STARD13: variants seen among roughly 807,000 people sequenced by gnomAD.
STARD13 encodes the protein stAR-related lipid transfer protein 13.
In STARD13, 62 loss-of-function variants were observed where a neutral mutation model predicts 106.4. That is an observed-to-expected ratio of 0.58 (90% CI 0.48 to 0.72). The LOEUF (loss-of-function observed/expected upper bound fraction) is 0.72, where lower values mean the gene tolerates loss of function less well. STARD13 is among the 30% of genes least tolerant of loss of function. The probability of loss-of-function intolerance (pLI) is 0.00; values close to 1 mark genes in which losing one functional copy is unlikely to be tolerated. For missense variants in STARD13, 1,387 were observed against 1,424.0 expected, an observed-to-expected ratio of 0.97 and a Z score of 0.42; for synonymous variants, 565 against 553.0, an observed-to-expected ratio of 1.02 and a Z score of -0.31.
At chr13:33,294,068 T>C (rs1403933468) in intron 1 of STARD13, among the ~76,000 whole-genome samples, 1 of 152,204 alleles carries the variant, frequency 6.6e-6, no homozygotes, top group Non-Finnish European at 1.5e-5. Flanking sequence ...TAAGGTCCCT[T>C]GTGAAAATTA....
chr13:33,586,984 C>T, the STARD13 span, among the ~76,000 whole-genome samples: 4 of 152,076 alleles, frequency 2.6e-5, no homozygotes, highest in South Asian at 2.1e-4. Flanking sequence ...GAGGCCTAGG[C>T]GGCTGGATCA....
the STARD13 span, among the ~76,000 whole-genome samples, chr13:33,427,208 A>G: frequency 2.0e-5 from 3 of 152,196 alleles, no homozygotes; most frequent in African/African-American, 7.2e-5. Flanking sequence ...ACGTACACAG[A>G]TGGGTGCCTT....
At chr13:33,374,972 T>G in the STARD13 span, among the ~76,000 whole-genome samples, 1 of 152,318 alleles carries the variant, frequency 6.6e-6, no homozygotes, top group African/African-American at 2.4e-5. Flanking sequence ...AGTACTCATG[T>G]CTTGAGAATC....
the STARD13 span, among the ~76,000 whole-genome samples, chr13:33,421,038 A>G: frequency 6.6e-6 from 1 of 152,252 alleles, no homozygotes; most frequent in Non-Finnish European, 1.5e-5. Context: ...ACACAATTAA[A>G]AGAGCTAGAG....
At chr13:33,177,341 C>T (rs1218978236) in intron 1 of STARD13, among the ~76,000 whole-genome samples, 1 of 152,204 alleles carries the variant, frequency 6.6e-6, no homozygotes, top group Non-Finnish European at 1.5e-5. Context: ...AACTTACACA[C>T]ACACAGTCAA....
chr13:33,542,793 C>T, the STARD13 span, among the ~76,000 whole-genome samples: 4 of 152,230 alleles, frequency 2.6e-5, no homozygotes, highest in Admixed American at 2.0e-4. Context: ...TCCCGTCTCC[C>T]CAGCGGCCCA....
At chr13:33,541,351 C>T in the STARD13 span, among the ~76,000 whole-genome samples, 1 of 152,164 alleles carries the variant, frequency 6.6e-6, no homozygotes, top group African/African-American at 2.4e-5. Flanking sequence ...CACGTGTTTT[C>T]TAGTATCTTC....
intron 7 of STARD13, 151 bp from the exon 8 acceptor site, chr13:33,118,414 C>A: frequency 3.0e-6 from 2 of 656,636 alleles, no homozygotes; most frequent in Middle Eastern, 3.6e-4. Flanking sequence ...AGTACCCGAA[C>A]ACTGTCTTCC....
chr13:33,334,894 C>T (rs2077877644), intron 1 of STARD13: 1 of 151,734 alleles, frequency 6.6e-6, no homozygotes, highest in Non-Finnish European at 1.5e-5. Flanking sequence ...ACACCACACA[C>T]TCACACATTT....
chr13:33,225,545 CATA>C (rs1271984305), intron 1 of STARD13, among the ~76,000 whole-genome samples: 1 of 152,142 alleles, frequency 6.6e-6, no homozygotes, highest in African/African-American at 2.4e-5. Context: ...AGCTTTGGTA[CATA>C]ATATTTATGC....
intron 2 of STARD13, 122 bp from the exon 3 acceptor site, chr13:33,165,540 T>A: frequency 2.7e-6 from 2 of 732,806 alleles, no homozygotes; most frequent in Non-Finnish European, 4.6e-6. Context: ...CCATCATCAT[T>A]GTTGGGAATG....
chr13:33,663,269 A>T, the STARD13 span, among the ~76,000 whole-genome samples: 1 of 152,162 alleles, frequency 6.6e-6, no homozygotes, highest in African/African-American at 2.4e-5. Context: ...TCTTTCAATG[A>T]TAAAAATCTT....
chr13:33,259,996 CA>C (rs35410044), intron 1 of STARD13, among the ~76,000 whole-genome samples: 33,571 of 101,596 alleles, frequency 0.33, 3,772 homozygotes, highest in Admixed American at 0.47. Context: ...ATTCCATCTC[CA>C]AAAAAAAAAA....
chr13:33,493,563 A>G, the STARD13 span, among the ~76,000 whole-genome samples: 2 of 152,216 alleles, frequency 1.3e-5, no homozygotes, highest in Non-Finnish European at 2.9e-5. Flanking sequence ...GAATATTAAC[A>G]CCTAAAGAAA....
At position 33,218,725 on chromosome 13, in the gene STARD13, A is replaced by C. The variant is rs537383632; in HGVS notation, c.170-51103T>G. 3.2e-4 allele frequency among the ~76,000 whole-genome samples: 48 copies of C among 152,348 alleles called. 2 individuals carry two copies. In the South Asian group the frequency reaches 9.7e-3, roughly 31 times the overall value. On this transcript the variant is annotated intron_variant, in intron 1 of 13. Coordinates refer to ENST00000336934, the MANE Select transcript of STARD13 (RefSeq NM_178006.4). The stretch of plus-strand genomic sequence containing the variant: ...CCTTAACACAGCAGAGTACTATATA[A>C]ATTCAGATGGCATTATTGTAACATA...
At position 33,106,787 on chromosome 13, in the gene STARD13, T is replaced by C. The variant is rs1455985512; in HGVS notation, c.3195A>G (p.Arg1065=). 6.2e-7 allele frequency: 1 copy of C among 1,613,742 alleles called. No homozygotes were observed. Among genetic ancestry groups the C allele is most frequent in the Non-Finnish European group, 8.5e-7 (1 of 1,179,808 alleles). The change falls in exon 13 of 14, where the codon AGA becomes AGG. Residue 1065 remains arginine, a synonymous_variant. Transcript: ENST00000336934. ...GGTCTATCCTGCAGATGTGAGTCAGTCTTGACTTGCCAGAGCCACACGGTT... is the reference window on the plus strand; with the variant it reads ...GGTCTATCCTGCAGATGTGAGTCAGCCTTGACTTGCCAGAGCCACACGGTT... ...LIEPCGSGKS[R]LTHICRIDLK...
In STARD13 at chr13:33,308,059, A is replaced by G. The variant is rs367743256; in HGVS notation, c.124+42231T>C. Among the ~76,000 whole-genome samples, 210 of 152,328 alleles carry G rather than the reference A, an allele frequency of 1.4e-3. 2 individuals are homozygous for G. Among genetic ancestry groups the G allele is most frequent in the African/African-American group, 4.9e-3 (202 of 41,586 alleles). ...ACAAAGGGGCTATATTTGGAGAGAC[A>G]GGAGTCCTGCTCCACGTGGAGCTTT... On this transcript the variant is annotated intron_variant, in intron 1 of 5. Coordinates refer to the STARD13 transcript ENST00000567873.
At chr13:33,181,784 G>A (rs746975172) in intron 1 of STARD13, among the ~76,000 whole-genome samples, 5 of 152,206 alleles carry the variant, frequency 3.3e-5, no homozygotes, top group Non-Finnish European at 5.9e-5. Context: ...CATTGTCCTG[G>A]CACTGACTAG....
chr13:33,114,268 G>T (rs183109873), intron 8 of STARD13, among the ~76,000 whole-genome samples: 1 of 152,158 alleles, frequency 6.6e-6, no homozygotes, highest in Admixed American at 6.5e-5. Context: ...ACCTTCTGAG[G>T]GGGTCCTGGC....
Sources: allele counts gnomAD v4.1 joint callset (sites outside exome capture counted in the v4.1 genomes callset), GRCh38; gene constraint gnomAD v4.1.1; transcripts MANE v1.5; gene names NCBI Gene and HGNC (gene_info 2026-07-23, HGNC 2026-07-21).